ADAMTS2: variants seen among roughly 807,000 people sequenced by gnomAD.
ADAMTS2 encodes A disintegrin and metalloproteinase with thrombospondin motifs 2.
A neutral mutation model predicts 123.0 loss-of-function variants in ADAMTS2; 50 were observed. That is an observed-to-expected ratio of 0.41 (90% CI 0.32 to 0.51). ADAMTS2 has a LOEUF of 0.51. ADAMTS2 is among the 20% of genes least tolerant of loss of function. The probability of loss-of-function intolerance (pLI) is 0.35; values close to 1 mark genes in which losing one functional copy is unlikely to be tolerated. For missense variants in ADAMTS2, 1,494 were observed against 1,705.2 expected, an observed-to-expected ratio of 0.88 and a Z score of 2.18; for synonymous variants, 678 against 695.4, an observed-to-expected ratio of 0.98 and a Z score of 0.39.
In ADAMTS2 at chr5:179,118,174, T is replaced by C. The variant is rs1326891060; in HGVS notation, c.3178+3487A>G. On this transcript the variant is annotated intron_variant, in intron 21 of 21. Coordinates refer to ENST00000251582, the MANE Select transcript of ADAMTS2 (RefSeq NM_014244.5). This position sits in a 1 kb window ranked among gnomAD's most constrained non-coding sequence, Gnocchi z 4.5. ...TCAATGAGTAAATACAAAATTGAAA[T>C]AAAATCCTGGCCAAGAGATTGACTA... 6.6e-6 allele frequency among the ~76,000 whole-genome samples: 1 copy of C among 152,150 alleles called. No individual in the cohort carries two copies. Among genetic ancestry groups the C allele is most frequent in the African/African-American group, 2.4e-5 (1 of 41,424 alleles).
intron 3 of ADAMTS2, among the ~76,000 whole-genome samples, chr5:179,248,670 T>C (rs2113464763): frequency 6.6e-6 from 1 of 150,598 alleles, no homozygotes. Context: ...GATGAAAGAG[T>C]CAATCCACCA....
At chr5:179,182,842 A>G (rs1466482452) in intron 4 of ADAMTS2, among the ~76,000 whole-genome samples, 1 of 152,044 alleles carries the variant, frequency 6.6e-6, no homozygotes, top group Non-Finnish European at 1.5e-5. Flanking sequence ...CAACCCCTGT[A>G]GGCGCTGAGG....
chr5:179,191,161 G>T (rs1007834416), intron 4 of ADAMTS2, among the ~76,000 whole-genome samples: 3 of 152,228 alleles, frequency 2.0e-5, no homozygotes, highest in Non-Finnish European at 2.9e-5. Flanking sequence ...TCCCCCAGGG[G>T]CCTCTCGGCC....
chr5:179,204,333 C>T (rs1323572188), intron 4 of ADAMTS2, among the ~76,000 whole-genome samples: 1 of 152,172 alleles, frequency 6.6e-6, no homozygotes, highest in East Asian at 1.9e-4. Context: ...ATGGTGAAGA[C>T]GGTGACTTAT....
At chr5:179,226,533 T>C (rs1287008977) in intron 3 of ADAMTS2, among the ~76,000 whole-genome samples, 1 of 151,986 alleles carries the variant, frequency 6.6e-6, no homozygotes, top group African/African-American at 2.4e-5. Flanking sequence ...CACCCTGGCC[T>C]CCCACAGTGT....
chr5:179,341,250 G>C, intron 2 of ADAMTS2: 1 of 271,968 alleles, frequency 3.7e-6, no homozygotes, highest in Non-Finnish European at 7.3e-6. Flanking sequence ...GGCCGGGCGC[G>C]GTGGCTGAGG....
chr5:179,156,358 GA>G (rs1390529865), intron 6 of ADAMTS2, among the ~76,000 whole-genome samples: 1 of 138,940 alleles, frequency 7.2e-6, no homozygotes, highest in Non-Finnish European at 1.5e-5. Context: ...TTCAGCTTTC[GA>G]TTTTTTTTTT....
intron 2 of ADAMTS2, among the ~76,000 whole-genome samples, chr5:179,275,903 G>A (rs1300060988): frequency 6.6e-6 from 1 of 152,236 alleles, no homozygotes; most frequent in African/African-American, 2.4e-5. Context: ...TCTCCGAGGG[G>A]CATGAGAAGA....
chr5:179,138,079 C>G, intron 11 of ADAMTS2, 135 bp from the exon 12 acceptor site: 2 of 978,362 alleles, frequency 2.0e-6, no homozygotes, highest in South Asian at 3.0e-5. Context: ...AGCAAAGGGA[C>G]CTTGCCCTGC....
intron 2 of ADAMTS2, among the ~76,000 whole-genome samples, chr5:179,304,250 CAAGA>C (rs1756610662): frequency 6.6e-6 from 1 of 152,146 alleles, no homozygotes. Context: ...AGCATTTAAA[CAAGA>C]TCCAAAGTCT....
At chr5:179,145,699 A>C (rs1434196701) in intron 10 of ADAMTS2, among the ~76,000 whole-genome samples, 3 of 152,186 alleles carry the variant, frequency 2.0e-5, no homozygotes, top group African/African-American at 7.2e-5. Flanking sequence ...ACGAGTGGCT[A>C]TCTGGAGTTG....
rs554377998 is a variant in ADAMTS2, at chr5:179,188,482, T to G, written c.892-7327A>C. Among the ~76,000 whole-genome samples, 1 of 152,308 alleles carries G rather than the reference T, an allele frequency of 6.6e-6. No homozygotes were observed. Among genetic ancestry groups the G allele is most frequent in the South Asian group, 2.1e-4 (1 of 4,830 alleles). ...GTGCCTAAACGGGGCTGCCAGAGCC[T>G]GGGCTTATCATGAGAATCAACGTTC... is the stretch of plus-strand genomic sequence containing the variant. On this transcript the variant is annotated intron_variant, in intron 4 of 21. Coordinates refer to ENST00000251582, the MANE Select transcript of ADAMTS2 (RefSeq NM_014244.5). This position sits in a 1 kb window ranked among gnomAD's most constrained non-coding sequence, Gnocchi z 5.1.
chr5:179,329,015 C>T (rs1168887469), intron 2 of ADAMTS2, among the ~76,000 whole-genome samples: 1 of 151,944 alleles, frequency 6.6e-6, no homozygotes, highest in African/African-American at 2.4e-5. Context: ...AATTAAAGAC[C>T]CCTGGACTGG....
intron 13 of ADAMTS2, among the ~76,000 whole-genome samples, chr5:179,134,522 G>A (rs982454679): frequency 2.6e-5 from 4 of 152,150 alleles, no homozygotes; most frequent in Admixed American, 2.0e-4. Context: ...CCTTCCTCAG[G>A]AGCCCTCTCA....
At chr5:179,119,876 T>G (rs1762723127) in intron 21 of ADAMTS2, among the ~76,000 whole-genome samples, 1 of 152,014 alleles carries the variant, frequency 6.6e-6, no homozygotes, top group Non-Finnish European at 1.5e-5. Context: ...CGAGGAGACC[T>G]CCATATAGAA....
intron 10 of ADAMTS2, among the ~76,000 whole-genome samples, chr5:179,142,304 G>C (rs567838639): frequency 6.6e-6 from 1 of 152,194 alleles, no homozygotes; most frequent in Non-Finnish European, 1.5e-5. Flanking sequence ...AACCAGAAGC[G>C]TTTGGAACCA....
intron 2 of ADAMTS2, among the ~76,000 whole-genome samples, chr5:179,284,941 C>T (rs1316724419): frequency 3.3e-5 from 5 of 152,144 alleles, no homozygotes; most frequent in African/African-American, 9.7e-5. Flanking sequence ...CACTCTGCCT[C>T]GATTCAAATG....
intron 2 of ADAMTS2, among the ~76,000 whole-genome samples, chr5:179,309,539 C>A (rs567778332): frequency 1.3e-5 from 2 of 152,004 alleles, no homozygotes; most frequent in East Asian, 3.9e-4. Flanking sequence ...GGGCGGGTCA[C>A]GAGGTCAGGA....
intron 3 of ADAMTS2, among the ~76,000 whole-genome samples, chr5:179,255,066 A>G (rs378074): frequency 0.62 from 94,735 of 151,928 alleles, 30,836 homozygotes; most frequent in African/African-American, 0.73. Flanking sequence ...ATGGGTAGAT[A>G]GGGGATGGGT....
Sources: allele counts gnomAD v4.1 joint callset (sites outside exome capture counted in the v4.1 genomes callset), GRCh38; gene constraint gnomAD v4.1.1; non-coding constraint Gnocchi (gnomAD v3.1); transcripts MANE v1.5; gene names NCBI Gene and HGNC (gene_info 2026-07-23, HGNC 2026-07-21).